The following LRRC56 variants were observed in gnomAD, a reference collection of about 807,000 sequenced individuals.
LRRC56 encodes leucine-rich repeat-containing protein 56.
LRRC56 carries 41 observed loss-of-function variants against 47.8 expected under a neutral mutation model. That is an observed-to-expected ratio of 0.86 (90% CI 0.67 to 1.11). The LOEUF (loss-of-function observed/expected upper bound fraction) is 1.11, where lower values mean the gene tolerates loss of function less well. LRRC56 is among the 50% of genes most tolerant of loss of function. LRRC56 has a pLI of 0.00. For synonymous variants in LRRC56, 387 were observed against 311.2 expected, an observed-to-expected ratio of 1.24 and a Z score of -2.56; for missense variants, 759 against 704.2, an observed-to-expected ratio of 1.08 and a Z score of -0.88.
intron 13 of LRRC56, 45 bp downstream of exon 13, chr11:552,747 A>G (rs1280044896): frequency 1.9e-6 from 3 of 1,542,912 alleles, no homozygotes; most frequent in South Asian, 2.4e-5. Context: ...GGAGTGACCA[A>G]CACCCCACTT....
chr11:553,436 CAG>C (rs1191150937), intron 13 of LRRC56, among the ~76,000 whole-genome samples: 2 of 151,948 alleles, frequency 1.3e-5, no homozygotes, highest in Non-Finnish European at 1.5e-5. Context: ...AGGGGGCAGA[CAG>C]AGGGGTCAAC....
At chr11:553,629 G>A (rs1219700211) in intron 13 of LRRC56, among the ~76,000 whole-genome samples, 1 of 152,180 alleles carries the variant, frequency 6.6e-6, no homozygotes, top group Non-Finnish European at 1.5e-5. Context: ...GGGGCGGTCA[G>A]CCAGTGAACA....
the LRRC56 span, among the ~76,000 whole-genome samples, chr11:522,868 C>T: frequency 3.3e-5 from 5 of 152,274 alleles, no homozygotes; most frequent in East Asian, 7.7e-4. Flanking sequence ...CCTGCATCAG[C>T]CTCCCAAGTA....
In LRRC56 at chr11:552,698, C is replaced by A. The variant is rs1852476727; in HGVS notation, c.1311C>A (p.Ala437=). Residue 437 remains alanine, a synonymous_variant, in exon 13 of 14, where the codon GCC becomes GCA. Coordinates refer to ENST00000270115, the MANE Select transcript of LRRC56 (RefSeq NM_198075.4). ...PKTPSSPPSL[A]SEPSGTSSQH... ...CTCCCTCCAGCCCCCCAAGCCTGGC[C>A]TCAGGTACTGAGCCTGCCCGCCTGC... 1.9e-6 allele frequency: 3 copies of A among 1,603,698 alleles called. No homozygotes were observed. In the East Asian group the frequency reaches 6.7e-5, roughly 36 times the overall value.
chr11:554,490 C>T lies in LRRC56; in HGVS notation c.*214C>T. The stretch of plus-strand genomic sequence containing the variant: ...AGTTTAGGCCCCCAACTGGGTTTGG[C>T]CTGGGGAGGGAGGGTCCGGCTCCCC... On this transcript the variant is annotated 3_prime_UTR_variant, in exon 14 of 14. Transcript: ENST00000270115. 2.2e-6 allele frequency: 1 copy of T among 450,384 alleles called. No homozygotes were observed. Among genetic ancestry groups the T allele is most frequent in the Non-Finnish European group, 3.8e-6 (1 of 260,784 alleles). 27.9% of individuals were successfully genotyped at this position (450,384 alleles called of 1,614,324 possible).
At position 551,788 on chromosome 11, in the gene LRRC56, G is replaced by A. The variant is rs780053334; in HGVS notation, c.934G>A (p.Asp312Asn). The A allele has an allele frequency of 6.2e-7, 1 of 1,609,516 alleles. No homozygotes were observed. The highest frequency in any genetic ancestry group is 1.1e-5 in the South Asian group (1 of 90,752). ...GPLPEGLLSE[D>N]LAPEDNTSSL... ...CCTGCCTGAAGGCCTGCTTTCTGAG[G>A]ACCTGGCCCCAGAAGATAACACCAG... Residue 312 changes from aspartate (D) to asparagine (N), a missense_variant, in exon 10 of 14, where the codon GAC becomes AAC. Coordinates refer to ENST00000270115, the MANE Select transcript of LRRC56 (RefSeq NM_198075.4).
chr11:519,274 G>T, the LRRC56 span, among the ~76,000 whole-genome samples: 1 of 141,466 alleles, frequency 7.1e-6, no homozygotes, highest in Non-Finnish European at 1.6e-5. Context: ...ATTAGAACGC[G>T]GGCTGATACA....
rs373591239 is a variant in LRRC56, at chr11:549,891, G to T, written c.327-11G>T. The T allele has an allele frequency of 1.9e-6, 3 of 1,611,694 alleles. No homozygotes were observed. The highest frequency in any genetic ancestry group is 3.3e-5 in the Admixed American group (2 of 59,994). On this transcript the variant is annotated splice_polypyrimidine_tract_variant and intron_variant, in intron 6 of 13. Coordinates refer to ENST00000270115, the MANE Select transcript of LRRC56 (RefSeq NM_198075.4). ...GGGCACATGTTGACCACCAAACCCT[G>T]CCTTCTGCAGGGACTTGGGCACGTC... is the stretch of plus-strand genomic sequence containing the variant.
the LRRC56 span, among the ~76,000 whole-genome samples, chr11:517,301 GGCC>G: frequency 6.6e-6 from 1 of 151,486 alleles, no homozygotes; most frequent in African/African-American, 2.4e-5. Context: ...ATCTCTGCCC[GGCC>G]GCCCATCGTC....
At chr11:542,332 C>A (rs1851834581) in intron 5 of LRRC56, among the ~76,000 whole-genome samples, 1 of 152,100 alleles carries the variant, frequency 6.6e-6, no homozygotes, top group Non-Finnish European at 1.5e-5. Flanking sequence ...ATAATCTCAG[C>A]CAGGCACAGG....
At chr11:516,838 A>G in the LRRC56 span, among the ~76,000 whole-genome samples, 1 of 152,148 alleles carries the variant, frequency 6.6e-6, no homozygotes, top group Non-Finnish European at 1.5e-5. Context: ...AAGCTTTTTA[A>G]TTATTTTTTT....
At chr11:512,022 C>T in the LRRC56 span, among the ~76,000 whole-genome samples, 1 of 152,060 alleles carries the variant, frequency 6.6e-6, no homozygotes, top group South Asian at 2.1e-4. Flanking sequence ...CGGCTCACTG[C>T]AACCTCCGCC....
At chr11:547,983 G>A (rs984728668) in intron 6 of LRRC56, among the ~76,000 whole-genome samples, 6 of 151,934 alleles carry the variant, frequency 3.9e-5, no homozygotes, top group Admixed American at 2.6e-4. Flanking sequence ...AAAATTAGCC[G>A]GGTGTGGTGG....
rs148803626 is a variant in LRRC56, at chr11:544,998, G to C, written c.326+218G>C. On this transcript the variant is annotated intron_variant, in intron 6 of 13. Transcript: ENST00000270115. ...GGGGGGAGCCTGGGACATTCAGGCAGGTGTGAGGGGGTCTCTGAGAGGGTC... is the reference window on the plus strand; with the variant it reads ...GGGGGGAGCCTGGGACATTCAGGCACGTGTGAGGGGGTCTCTGAGAGGGTC... 3.6e-3 allele frequency among the ~76,000 whole-genome samples: 555 copies of C among 152,196 alleles called. 1 individual carries two copies. The highest frequency in any genetic ancestry group is 0.01 in the Middle Eastern group (3 of 294).
chr11:515,129 G>T, the LRRC56 span, among the ~76,000 whole-genome samples: 1 of 152,166 alleles, frequency 6.6e-6, no homozygotes, highest in Non-Finnish European at 1.5e-5. Flanking sequence ...AGACCCACAA[G>T]GCCTGGCCTG....
At chr11:522,765 C>T in the LRRC56 span, among the ~76,000 whole-genome samples, 1 of 151,914 alleles carries the variant, frequency 6.6e-6, no homozygotes, top group Non-Finnish European at 1.5e-5. Flanking sequence ...TCTTTTGAGA[C>T]AGAGTTTCAC....
At chr11:552,961 G>A (rs983989272) in intron 13 of LRRC56, among the ~76,000 whole-genome samples, 5 of 152,180 alleles carry the variant, frequency 3.3e-5, no homozygotes, top group South Asian at 2.1e-4. Context: ...AAAGAGAGGC[G>A]TTCCACAAAA....
Position 541,666 on chromosome 11 carries a change from C to T in LRRC56, c.265+42C>T, listed in dbSNP as rs1170075594. The T allele has an allele frequency of 4.8e-6, 6 of 1,247,044 alleles. 1 individual carries two copies. The highest frequency in any genetic ancestry group is 4.2e-5 in the South Asian group (3 of 71,196). 77.2% of individuals were successfully genotyped at this position (1,247,044 alleles called of 1,614,324 possible). The stretch of plus-strand genomic sequence containing the variant: ...CCCGCCATGGCCACGGCCACGGCCA[C>T]GCCTCCCTGTAAACAACACACGTTT... On this transcript the variant is annotated intron_variant, in intron 5 of 13. Transcript: ENST00000270115. This position sits in a 1 kb window ranked among gnomAD's most constrained non-coding sequence, Gnocchi z 4.1.
intron 6 of LRRC56, among the ~76,000 whole-genome samples, chr11:549,493 C>T (rs535434427): frequency 5.9e-5 from 9 of 152,224 alleles, no homozygotes; most frequent in Non-Finnish European, 1.3e-4. Flanking sequence ...TCCAGCGAAG[C>T]CCCCCACATC....
Sources: allele counts gnomAD v4.1 joint callset (sites outside exome capture counted in the v4.1 genomes callset), GRCh38; gene constraint gnomAD v4.1.1; non-coding constraint Gnocchi (gnomAD v3.1); transcripts MANE v1.5; gene names NCBI Gene and HGNC (gene_info 2026-07-23, HGNC 2026-07-21).